CSRP3: variants seen among roughly 807,000 people sequenced by gnomAD.
CSRP3 encodes cysteine and glycine rich protein 3.
Under a neutral mutation model 24.3 loss-of-function variants are expected in CSRP3, and 24 were observed. The ratio of observed to expected loss-of-function variants is 0.99; its 90% confidence interval spans 0.71 to 1.39. The LOEUF (loss-of-function observed/expected upper bound fraction) is 1.39. CSRP3 is among the 40% of genes most tolerant of loss of function. The pLI, the probability that CSRP3 is intolerant of heterozygous loss-of-function variation, is 0.00. For synonymous variants in CSRP3, 105 were observed against 94.0 expected (o/e 1.12, Z -0.68); for missense variants, 240 against 249.0 (o/e 0.96, Z 0.24).
intron 4 of CSRP3, among the ~76,000 whole-genome samples, chr11:19,185,529 T>C (rs897814768): frequency 2.0e-5 from 3 of 152,262 alleles, no homozygotes; most frequent in African/African-American, 4.8e-5. Flanking sequence ...TCCATCCTCC[T>C]GCACATCTGC....
chr11:19,193,812 C>T (rs1357533861), intron 1 of CSRP3, among the ~76,000 whole-genome samples: 14 of 152,054 alleles, frequency 9.2e-5, no homozygotes, highest in African/African-American at 2.7e-4. Flanking sequence ...AGCGAGACTC[C>T]GTCTCAAAAA....
At chr11:19,201,485 G>GA (rs1188225888) in intron 1 of CSRP3, among the ~76,000 whole-genome samples, 1 of 152,178 alleles carries the variant, frequency 6.6e-6, no homozygotes, top group Non-Finnish European at 1.5e-5. Flanking sequence ...TTACAGTTTG[G>GA]AAAAAATGTC....
Position 19,195,882 on chromosome 11 carries a change from G to A in CSRP3, c.-28-3406C>T, listed in dbSNP as rs183340273. Among the ~76,000 whole-genome samples the A allele has an allele frequency of 4.6e-5, 7 of 152,298 alleles. No individual in the cohort carries two copies. The East Asian group carries it at 1.3e-3, about 29-fold the overall frequency. On this transcript the variant is annotated intron_variant, in intron 1 of 5. Transcript: ENST00000265968. ...ATAAATCTGTAAGTACTCTATTAAT[G>A]ATGCTCAGTTCCATTTCTGAAGATG...
At chr11:19,192,956 GGAAATTCT>G (rs1850640564) in intron 1 of CSRP3, among the ~76,000 whole-genome samples, 1 of 152,152 alleles carries the variant, frequency 6.6e-6, no homozygotes, top group Admixed American at 6.5e-5. Context: ...GGGAGAGGCA[GGAAATTCT>G]GCATTTCTAA....
At position 19,195,073 on chromosome 11, in the gene CSRP3, C is replaced by A. The variant is rs147017114; in HGVS notation, c.-28-2597G>T. On this transcript the variant is annotated intron_variant, in intron 1 of 5. Coordinates refer to ENST00000265968, the MANE Select transcript of CSRP3 (RefSeq NM_003476.5). ...CCCACATTTAGTCTGGGGATAAAGG[C>A]AGTGAACTGTTGGAGGGTCACAGAA... Among the ~76,000 whole-genome samples, 63 of 151,970 alleles carry A rather than the reference C, an allele frequency of 4.1e-4. 1 individual carries two copies. In the East Asian group the frequency reaches 8.6e-3, roughly 21 times the overall value.
intron 4 of CSRP3, among the ~76,000 whole-genome samples, chr11:19,185,752 A>G (rs547828626): frequency 1.3e-5 from 2 of 152,320 alleles, no homozygotes; most frequent in African/African-American, 4.8e-5. Flanking sequence ...GCACATATGC[A>G]TGAGTGTCTC....
At chr11:19,186,149 T>C in intron 4 of CSRP3, 67 bp downstream of exon 4, 1 of 1,609,966 alleles carries the variant, frequency 6.2e-7, no homozygotes. Flanking sequence ...CCAATTTTTC[T>C]CTCATTCCTC....
chr11:19,186,951 T>C (rs558719303), intron 3 of CSRP3, among the ~76,000 whole-genome samples: 1 of 152,320 alleles, frequency 6.6e-6, no homozygotes, highest in East Asian at 1.9e-4. Context: ...TGTTTGCTTG[T>C]ATATTATATC....
chr11:19,193,497 C>T (rs1460161269), intron 1 of CSRP3, among the ~76,000 whole-genome samples: 1 of 152,088 alleles, frequency 6.6e-6, no homozygotes, highest in African/African-American at 2.4e-5. Context: ...AGATATTAAC[C>T]AAAGAAAATT....
At position 19,186,359 on chromosome 11, in the gene CSRP3, T is replaced by C; in HGVS notation, c.282-11A>G. ...GCCGGCTTTGGGGACCTGTTGGAAA[T>C]AGACGAATGAATGAAACGTAGATTT... On this transcript the variant is annotated splice_polypyrimidine_tract_variant and intron_variant, in intron 3 of 5. Coordinates refer to ENST00000265968, the MANE Select transcript of CSRP3 (RefSeq NM_003476.5). The C allele has an allele frequency of 6.2e-7, 1 of 1,614,156 alleles. No homozygotes were observed. The highest frequency in any genetic ancestry group is 8.5e-7 in the Non-Finnish European group (1 of 1,180,032).
chr11:19,189,494 G>A (rs1850582945), intron 2 of CSRP3, among the ~76,000 whole-genome samples: 1 of 152,184 alleles, frequency 6.6e-6, no homozygotes, highest in Non-Finnish European at 1.5e-5. Context: ...TGCATTAAAT[G>A]TATTTGCCTT....
rs747850845 is a variant in CSRP3 at position 19,197,501 on chromosome 11, C to CTCTTTCTTTCTTTCTTTCTT, written c.-29+4433_-29+4452dup. Among the ~76,000 whole-genome samples the CTCTTTCTTTCTTTCTTTCTT allele has an allele frequency of 8.6e-3, 577 of 67,114 alleles. 17 individuals are homozygous for CTCTTTCTTTCTTTCTTTCTT. Among genetic ancestry groups the CTCTTTCTTTCTTTCTTTCTT allele is most frequent in the Middle Eastern group, 0.028 (4 of 142 alleles). The allele number at this position is 67,114 out of a possible 152,430, so 44.0% of individuals were successfully genotyped here. A position where few individuals can be genotyped will look rare whatever the true frequency, so the allele number is the denominator to read the frequency against. The stretch of plus-strand genomic sequence containing the variant: ...TCCATCTCTTTCTCTCCCTCTTTTC[C>CTCTTTCTTTCTTTCTTTCTT]TCTTTCTTTCTTTCTTTCTTTCTTT... On this transcript the variant is annotated intron_variant, in intron 1 of 5. Transcript: ENST00000265968.
rs2133506761 is a variant in CSRP3, at chr11:19,184,938, C to T, written c.508+14G>A. ...GGGAAAACATATTTCAAGAAAGTCT[C>T]CAGAATCACTCACCTTTGCAATAAA... On this transcript the variant is annotated intron_variant, in intron 5 of 5. Coordinates refer to ENST00000265968, the MANE Select transcript of CSRP3 (RefSeq NM_003476.5). 2.5e-6 allele frequency: 4 copies of T among 1,591,358 alleles called. No homozygotes were observed. In the South Asian group the frequency reaches 3.3e-5, roughly 13 times the overall value.
At chr11:19,192,539 G>C in intron 1 of CSRP3, 63 bp from the exon 2 acceptor site, 4 of 1,002,782 alleles carry the variant, frequency 4.0e-6, no homozygotes, top group Non-Finnish European at 6.3e-6. Context: ...CAATCTCTAA[G>C]AGTGCAGTGG....
At chr11:19,185,066 G>A (rs762106094) in intron 4 of CSRP3, 21 bp from the exon 5 acceptor site, 1 of 1,587,472 alleles carries the variant, frequency 6.3e-7, no homozygotes, top group South Asian at 1.1e-5. Flanking sequence ...CAGAAAAGTT[G>A]CATATTTAAT....
At chr11:19,194,010 G>A (rs1024717496) in intron 1 of CSRP3, among the ~76,000 whole-genome samples, 3 of 152,164 alleles carry the variant, frequency 2.0e-5, no homozygotes, top group Admixed American at 1.3e-4. Context: ...AAGAAGCCTA[G>A]TGTGTCATGA....
chr11:19,182,957 G>A (rs1392075849), intron 5 of CSRP3, among the ~76,000 whole-genome samples: 1 of 152,136 alleles, frequency 6.6e-6, no homozygotes, highest in African/African-American at 2.4e-5. Flanking sequence ...GGGAGTTTGA[G>A]ACCAGCCTGG....
intron 5 of CSRP3, among the ~76,000 whole-genome samples, chr11:19,182,949 G>A (rs559369132): frequency 6.6e-6 from 1 of 152,238 alleles, no homozygotes; most frequent in East Asian, 1.9e-4. Context: ...CTGAGGTCGG[G>A]AGTTTGAGAC....
chr11:19,185,420 C>T (rs1052770099), intron 4 of CSRP3, among the ~76,000 whole-genome samples: 2 of 152,216 alleles, frequency 1.3e-5, no homozygotes, highest in African/African-American at 4.8e-5. Flanking sequence ...ATAAAGAAAT[C>T]AGGCAATTGT....
Sources: gnomAD v4.1 joint callset for allele counts (sites outside exome capture counted in the v4.1 genomes callset) on GRCh38, gnomAD v4.1.1 for gene constraint, MANE v1.5 for transcripts, NCBI Gene and HGNC (gene_info 2026-07-23, HGNC 2026-07-21) for gene names.